The following DNAH3 variants were observed in gnomAD, a reference collection of about 807,000 sequenced individuals.
The protein encoded by DNAH3 is dynein axonemal heavy chain 3.
DNAH3 carries 332 observed loss-of-function variants against 432.5 expected under a neutral mutation model. The ratio of observed to expected loss-of-function variants is 0.77; its 90% confidence interval spans 0.70 to 0.84. The LOEUF (loss-of-function observed/expected upper bound fraction) is 0.84. Ranked by LOEUF, DNAH3 falls within the 40% of genes least tolerant of loss-of-function variation. The probability of loss-of-function intolerance (pLI) is 0.00; values close to 1 mark genes in which losing one functional copy is unlikely to be tolerated. For missense variants in DNAH3, 4,861 were observed against 5,114.0 expected, an observed-to-expected ratio of 0.95 and a Z score of 1.51; for synonymous variants, 1,956 against 1,900.2, an observed-to-expected ratio of 1.03 and a Z score of -0.76.
chr16:20,957,628 C>T (rs894809140), intron 54 of DNAH3, among the ~76,000 whole-genome samples: 2 of 151,796 alleles, frequency 1.3e-5, no homozygotes, highest in Non-Finnish European at 2.9e-5. Context: ...GCCTGACCAA[C>T]ATGGAGAAAC....
At chr16:21,053,230 T>G (rs1182721422) in intron 28 of DNAH3, among the ~76,000 whole-genome samples, 2 of 152,030 alleles carry the variant, frequency 1.3e-5, no homozygotes, top group Non-Finnish European at 2.9e-5. Context: ...CAGGGAAGAG[T>G]CCTTGAAGAA....
chr16:20,974,718 C>A (rs2085503558), intron 51 of DNAH3, among the ~76,000 whole-genome samples: 1 of 150,250 alleles, frequency 6.7e-6, no homozygotes, highest in Admixed American at 6.7e-5. Flanking sequence ...ACCACACCTG[C>A]CCATATGTTG....
intron 7 of DNAH3, among the ~76,000 whole-genome samples, chr16:21,133,156 A>G (rs1389402219): frequency 1.3e-5 from 2 of 151,978 alleles, no homozygotes; most frequent in African/African-American, 2.4e-5. Flanking sequence ...GTTTGAGACC[A>G]GTCTGGACAA....
intron 16 of DNAH3, among the ~76,000 whole-genome samples, chr16:21,099,843 T>C (rs932048207): frequency 4.6e-5 from 7 of 152,240 alleles, no homozygotes; most frequent in African/African-American, 1.7e-4. Flanking sequence ...TACCCAGCCC[T>C]GTTCAAGGAA....
intron 23 of DNAH3, among the ~76,000 whole-genome samples, 155 bp from the exon 24 acceptor site, chr16:21,067,574 T>A (rs75244559): frequency 6.6e-6 from 1 of 152,044 alleles, no homozygotes; most frequent in East Asian, 1.9e-4. Context: ...TGAATGCTTA[T>A]GGAACATGAC....
rs561154053 is a variant in DNAH3, at chr16:20,944,736, A to G, written c.11344-73T>C. ...CACAGATGACTCCAGGCTTAGCAGA[A>G]CCCAATCAGAACAGGAATCATACTG... On this transcript the variant is annotated intron_variant, in intron 57 of 61. Transcript: ENST00000261383. 3.4e-3 allele frequency: 4,897 copies of G among 1,437,790 alleles called. 9 individuals are homozygous for G. The highest frequency in any genetic ancestry group is 4.2e-3 in the Non-Finnish European group (4,312 of 1,033,072). The allele number at this position is 1,437,790 out of a possible 1,614,324, so 89.1% of individuals were successfully genotyped here.
intron 34 of DNAH3, 53 bp from the exon 35 acceptor site, chr16:21,036,901 A>T (rs1293672699): frequency 7.6e-6 from 11 of 1,442,394 alleles, no homozygotes; most frequent in Non-Finnish European, 1.1e-5. Context: ...CAGATATATG[A>T]CCTCAACATT....
At chr16:20,966,140 C>A (rs1202291319) in intron 52 of DNAH3, among the ~76,000 whole-genome samples, 1 of 140,418 alleles carries the variant, frequency 7.1e-6, no homozygotes, top group Non-Finnish European at 1.5e-5. Context: ...TGGGTTCAAG[C>A]GATTCTCCTA....
intron 48 of DNAH3, among the ~76,000 whole-genome samples, chr16:20,983,127 A>G (rs1487316439): frequency 6.6e-6 from 1 of 151,872 alleles, no homozygotes; most frequent in East Asian, 1.9e-4. Flanking sequence ...AAAAATTTTA[A>G]TTTTTTATTT....
At chr16:21,117,096 T>C (rs1002103472) in intron 12 of DNAH3, 107 bp downstream of exon 12, 3 of 696,342 alleles carry the variant, frequency 4.3e-6, no homozygotes, top group East Asian at 2.6e-5. Flanking sequence ...TCTTACTATG[T>C]ATGTGTTCAG....
chr16:21,075,611 A>G (rs758133531), intron 20 of DNAH3, 50 bp from the exon 21 acceptor site: 2 of 1,426,952 alleles, frequency 1.4e-6, no homozygotes, highest in Admixed American at 1.7e-5. Context: ...CAGAGAAGAC[A>G]CATCAAAGGA....
At chr16:20,962,214 T>G (rs1484299704) in intron 53 of DNAH3, among the ~76,000 whole-genome samples, 2 of 151,992 alleles carry the variant, frequency 1.3e-5, no homozygotes, top group Non-Finnish European at 2.9e-5. Flanking sequence ...ATTGTGCACC[T>G]GCTACTGAAA....
intron 58 of DNAH3, among the ~76,000 whole-genome samples, chr16:20,943,091 C>CT (rs964376394): frequency 4.6e-5 from 7 of 151,232 alleles, no homozygotes; most frequent in African/African-American, 7.3e-5. Context: ...ACCCAGTTAA[C>CT]TTTTTTTAAG....
Position 20,997,263 on chromosome 16 carries a change from G to A in DNAH3, c.6601+20C>T, listed in dbSNP as rs1293599922. ...GCTGGGGATGGAGGGAAAGAGGAAT[G>A]AGCTCTTCCCTTCACATACCAGTAA... On this transcript the variant is annotated intron_variant, in intron 44 of 61. Transcript: ENST00000261383. 2 of 1,610,588 alleles carry A rather than the reference G, an allele frequency of 1.2e-6. No homozygotes were observed. The highest frequency in any genetic ancestry group is 1.7e-6 in the Non-Finnish European group (2 of 1,178,106).
rs12597068 is a variant in DNAH3, at chr16:21,083,381, G to A, written c.2878-1654C>T. Among the ~76,000 whole-genome samples, 68 of 152,232 alleles carry A rather than the reference G, an allele frequency of 4.5e-4. No homozygotes were observed. The East Asian group carries it at 7.9e-3, about 18-fold the overall frequency. On this transcript the variant is annotated intron_variant, in intron 19 of 61. Coordinates refer to ENST00000261383, the Ensembl canonical transcript of DNAH3. ...AGCAAGGAACCCAGAAGTAGTTACC[G>A]TTGAAATAACGGTCTTGGAAGACCA...
intron 40 of DNAH3, 66 bp from the exon 41 acceptor site, chr16:21,019,935 T>C: frequency 1.3e-6 from 2 of 1,572,408 alleles, no homozygotes; most frequent in Non-Finnish European, 1.7e-6. Context: ...GGCTGTGAAC[T>C]GGTTGGCTTT....
chr16:20,963,898 T>G, exon 53 of DNAH3: 2 of 1,614,140 alleles, frequency 1.2e-6, no homozygotes, highest in Admixed American at 3.3e-5. Flanking sequence ...GGAATGCATG[T>G]AGAGATTTAT....
chr16:20,972,648 C>T (rs903800080), intron 51 of DNAH3, among the ~76,000 whole-genome samples: 1 of 151,956 alleles, frequency 6.6e-6, no homozygotes, highest in Non-Finnish European at 1.5e-5. Flanking sequence ...GGGATCAGAC[C>T]CACCCAGGGG....
chr16:21,081,808 T>C (rs1435811692), intron 19 of DNAH3, 81 bp from the exon 20 acceptor site: 3 of 1,182,540 alleles, frequency 2.5e-6, no homozygotes, highest in Admixed American at 3.6e-5. Context: ...ATGGAGATGT[T>C]CTTTTTATCT....
Sources: gnomAD v4.1 joint callset for allele counts (sites outside exome capture counted in the v4.1 genomes callset) on GRCh38, gnomAD v4.1.1 for gene constraint, MANE v1.5 for transcripts, NCBI Gene and HGNC (gene_info 2026-07-23, HGNC 2026-07-21) for gene names.